RPS6KA6: variants seen among roughly 807,000 people sequenced by gnomAD.
RPS6KA6 encodes ribosomal protein S6 kinase A6, also known as ribosomal protein S6 kinase alpha-6.
In RPS6KA6, 27 loss-of-function variants were observed where a neutral mutation model predicts 65.4. The observed-to-expected ratio is 0.41, with a 90% CI of 0.30 to 0.57. The LOEUF (loss-of-function observed/expected upper bound fraction) is 0.57, where lower values mean the gene tolerates loss of function less well. Ranked by LOEUF, RPS6KA6 falls within the 20% of genes least tolerant of loss-of-function variation. The pLI is 0.24. For missense variants in RPS6KA6, 486 were observed against 555.6 expected (o/e 0.87, Z 1.26); for synonymous variants, 190 against 184.2 (o/e 1.03, Z -0.26).
At chrX:84,125,329 TA>T (rs1390097738) in intron 8 of RPS6KA6, among the ~76,000 whole-genome samples, 1 of 111,838 alleles carries the variant, frequency 8.9e-6, no homozygotes, top group Non-Finnish European at 1.9e-5. Flanking sequence ...AATCAAATAA[TA>T]ACTACAAAAA....
intron 3 of RPS6KA6, among the ~76,000 whole-genome samples, chrX:84,153,895 G>C: frequency 9.0e-6 from 1 of 111,545 alleles, no homozygotes; most frequent in Non-Finnish European, 1.9e-5. Flanking sequence ...GGAATTAAAA[G>C]GTTTCAATGA....
intron 12 of RPS6KA6, among the ~76,000 whole-genome samples, chrX:84,115,400 T>C (rs2034545861): frequency 8.9e-6 from 1 of 111,830 alleles, no homozygotes; most frequent in Admixed American, 9.5e-5. Flanking sequence ...AAAACCACAA[T>C]GAAATATGAT....
intron 20 of RPS6KA6, among the ~76,000 whole-genome samples, chrX:84,066,087 T>C (rs1301087118): frequency 2.7e-5 from 3 of 111,595 alleles, no homozygotes; most frequent in Non-Finnish European, 3.8e-5. Context: ...TACTACACTT[T>C]TCCCATGGTT....
In RPS6KA6 at chrX:84,062,434, A is replaced by T. The variant is rs1758576921; in HGVS notation, c.*1843T>A. On this transcript the variant is annotated 3_prime_UTR_variant, in exon 22 of 22. Transcript: ENST00000262752. ...CAGCACTAGATAATGACAGAAGGAAAATAAGTCAGAATATATGCTTACAAA... is the reference window on the plus strand; with the variant it reads ...CAGCACTAGATAATGACAGAAGGAATATAAGTCAGAATATATGCTTACAAA... The T allele has an allele frequency of 9.0e-6, 1 of 111,270 alleles. No homozygotes were observed. Among genetic ancestry groups the T allele is most frequent in the Admixed American group, 9.6e-5 (1 of 10,395 alleles). The allele number at this position is 111,270 out of a possible 1,213,427, so 9.2% of individuals were successfully genotyped here. A position where few individuals can be genotyped will look rare whatever the true frequency, so the allele number is the denominator to read the frequency against.
intron 1 of RPS6KA6, among the ~76,000 whole-genome samples, chrX:84,171,109 T>C (rs186825378): frequency 2.3e-4 from 25 of 110,252 alleles, no homozygotes; most frequent in African/African-American, 7.9e-4. Flanking sequence ...TCTGAGGGAG[T>C]GTAAAAGTAG....
intron 20 of RPS6KA6, among the ~76,000 whole-genome samples, chrX:84,083,227 C>A (rs778284706): frequency 8.9e-6 from 1 of 112,827 alleles, no homozygotes; most frequent in South Asian, 3.6e-4. Flanking sequence ...CCAGAATCTA[C>A]AAGGAACTTA....
Position 84,102,041 on chromosome X carries a change from G to A in RPS6KA6, c.1772C>T (p.Pro591Leu). Residue 591 changes from proline to leucine, a missense_variant, in exon 18 of 22, where the codon CCT becomes CTT. Coordinates refer to ENST00000262752, the MANE Select transcript of RPS6KA6 (RefSeq NM_014496.5). ...TPCYTANFVA[P>L]EVLMQQGYDA... ...GGTGAAGTTTTTAAGGAATACCTCAGGTGCAACAAAGTTTGCAGTGTAGCA... is the reference window on the plus strand; with the variant it reads ...GGTGAAGTTTTTAAGGAATACCTCAAGTGCAACAAAGTTTGCAGTGTAGCA... The A allele has an allele frequency of 8.5e-7, 1 of 1,175,286 alleles. No individual in the cohort carries two copies. Among genetic ancestry groups the A allele is most frequent in the Non-Finnish European group, 1.1e-6 (1 of 877,772 alleles).
chrX:84,186,242 A>G, intron 1 of RPS6KA6: 1 of 409,892 alleles, frequency 2.4e-6, no homozygotes, highest in Non-Finnish European at 4.2e-6. Context: ...TAACAGAAAT[A>G]ATAAAATAGT....
At chrX:84,112,475 T>C (rs1056782989) in intron 12 of RPS6KA6, among the ~76,000 whole-genome samples, 2 of 112,022 alleles carry the variant, frequency 1.8e-5, no homozygotes, top group Non-Finnish European at 1.9e-5. Context: ...AAGTATCCTA[T>C]TGGACCACAG....
chrX:84,069,758 AC>A (rs1682202537), intron 20 of RPS6KA6, among the ~76,000 whole-genome samples: 1 of 112,513 alleles, frequency 8.9e-6, no homozygotes, highest in Admixed American at 9.4e-5. Context: ...AAGGATATGA[AC>A]AGACACTTCT....
intron 6 of RPS6KA6, among the ~76,000 whole-genome samples, chrX:84,144,324 A>T (rs1296783093): frequency 9.2e-6 from 1 of 108,742 alleles, no homozygotes; most frequent in African/African-American, 3.3e-5. Flanking sequence ...AACTCTCAAA[A>T]CTCAATAAGA....
chrX:84,083,309 T>C (rs1408312529), intron 20 of RPS6KA6, among the ~76,000 whole-genome samples: 1 of 112,501 alleles, frequency 8.9e-6, no homozygotes, highest in Admixed American at 9.4e-5. Flanking sequence ...CCATGGTGGT[T>C]TGCTACACAG....
intron 6 of RPS6KA6, among the ~76,000 whole-genome samples, chrX:84,143,509 C>A (rs2035143630): frequency 9.0e-6 from 1 of 110,985 alleles, no homozygotes; most frequent in African/African-American, 3.3e-5. Flanking sequence ...AAGAATTACA[C>A]TGAAAACAAT....
intron 12 of RPS6KA6, among the ~76,000 whole-genome samples, chrX:84,114,313 C>G (rs1409716001): frequency 9.1e-6 from 1 of 110,010 alleles, no homozygotes; most frequent in African/African-American, 3.3e-5. Flanking sequence ...CATACCGAGA[C>G]CTCATCTTTA....
chrX:84,113,449 C>CA (rs1569392249), intron 12 of RPS6KA6, among the ~76,000 whole-genome samples: 1 of 111,590 alleles, frequency 9.0e-6, no homozygotes, highest in Non-Finnish European at 1.9e-5. Context: ...ACAGCACATG[C>CA]AAAAAATAGT....
intron 12 of RPS6KA6, among the ~76,000 whole-genome samples, chrX:84,113,540 TAAAC>T (rs1406311742): frequency 5.4e-5 from 6 of 112,063 alleles, no homozygotes; most frequent in Non-Finnish European, 9.4e-5. Context: ...AATCACCACA[TAAAC>T]AAAATTATAA....
intron 20 of RPS6KA6, among the ~76,000 whole-genome samples, chrX:84,072,209 T>TTGC (rs1396053978): frequency 9.0e-6 from 1 of 111,651 alleles, no homozygotes; most frequent in East Asian, 2.8e-4. Flanking sequence ...TCATTTAACA[T>TTGC]AATCAAGTAT....
At position 84,063,305 on chromosome X, in the gene RPS6KA6, A is replaced by C. The variant is rs1172541906; in HGVS notation, c.*972T>G. 3.7e-5 allele frequency: 4 copies of C among 109,500 alleles called. No individual in the cohort carries two copies. The highest frequency in any genetic ancestry group is 7.6e-5 in the Non-Finnish European group (4 of 52,398). 9.0% of individuals were successfully genotyped at this position (109,500 alleles called of 1,213,427 possible). ...GTCAACTGTATTATCATAGGATTCA[A>C]GGTAGAATGATATGCTACACTGTAC... is the stretch of plus-strand genomic sequence containing the variant. On this transcript the variant is annotated 3_prime_UTR_variant, in exon 22 of 22. Transcript: ENST00000262752.
intron 20 of RPS6KA6, among the ~76,000 whole-genome samples, chrX:84,095,588 A>G (rs2034137395): frequency 9.2e-6 from 1 of 108,210 alleles, no homozygotes; most frequent in African/African-American, 3.3e-5. Context: ...AGAAAAAGTA[A>G]AGAATATCTA....
Sources: allele counts gnomAD v4.1 joint callset (sites outside exome capture counted in the v4.1 genomes callset), GRCh38; gene constraint gnomAD v4.1.1; transcripts MANE v1.5; gene names NCBI Gene and HGNC (gene_info 2026-07-23, HGNC 2026-07-21).